The following RANBP2 variants were observed in gnomAD, a reference collection of about 807,000 sequenced individuals.
RANBP2 encodes RAN binding protein 2.
A neutral mutation model predicts 303.6 loss-of-function variants in RANBP2; 57 were observed. The ratio of observed to expected loss-of-function variants is 0.19; its 90% confidence interval spans 0.15 to 0.23. The LOEUF is 0.23. RANBP2 is among the 10% of genes least tolerant of loss of function. RANBP2 has a pLI of 1.00. For missense variants in RANBP2, 3,138 were observed against 3,780.8 expected (o/e 0.83, Z 4.46); for synonymous variants, 1,167 against 1,301.5 (o/e 0.90, Z 2.23).
At chr2:109,499,762 T>C in the RANBP2 span, among the ~76,000 whole-genome samples, 7 of 151,648 alleles carry the variant, frequency 4.6e-5, no homozygotes, top group Admixed American at 4.6e-4. Context: ...AGCAGGGGGG[T>C]GTGTGTGTAT....
the RANBP2 span, among the ~76,000 whole-genome samples, chr2:109,689,450 A>G: frequency 6.6e-6 from 1 of 152,086 alleles, no homozygotes; most frequent in South Asian, 2.1e-4. Context: ...GACAAATAAC[A>G]GGGTTGAATG....
the RANBP2 span, among the ~76,000 whole-genome samples, chr2:109,075,365 C>T: frequency 2.0e-5 from 3 of 150,176 alleles, no homozygotes; most frequent in East Asian, 1.9e-4. Context: ...GCTAGGATTA[C>T]AGGCACCTGC....
chr2:109,012,579 T>C, the RANBP2 span, among the ~76,000 whole-genome samples: 2 of 151,696 alleles, frequency 1.3e-5, no homozygotes, highest in African/African-American at 4.8e-5. Context: ...TAGCCCCTCC[T>C]CCACCCTGCT....
chr2:109,309,584 A>T, the RANBP2 span, among the ~76,000 whole-genome samples: 2 of 129,512 alleles, frequency 1.5e-5, no homozygotes, highest in South Asian at 2.4e-4. Flanking sequence ...AAGACCCATC[A>T]GTGTGCTGTA....
chr2:109,648,319 C>T, the RANBP2 span, among the ~76,000 whole-genome samples: 4 of 152,116 alleles, frequency 2.6e-5, no homozygotes, highest in African/African-American at 9.7e-5. Context: ...AGTGGGAGTC[C>T]CTGGAAGATT....
chr2:109,188,658 G>T, the RANBP2 span, among the ~76,000 whole-genome samples: 10 of 152,204 alleles, frequency 6.6e-5, no homozygotes, highest in Admixed American at 6.5e-5. Context: ...CCGAGGGCTG[G>T]AATGCAAAGC....
At chr2:108,838,143 C>T in the RANBP2 span, among the ~76,000 whole-genome samples, 1 of 151,948 alleles carries the variant, frequency 6.6e-6, no homozygotes, top group Admixed American at 6.6e-5. Context: ...AATATTGCCT[C>T]CTGGGATACA....
At chr2:109,706,526 C>G in the RANBP2 span, among the ~76,000 whole-genome samples, 2 of 152,204 alleles carry the variant, frequency 1.3e-5, no homozygotes, top group Admixed American at 6.5e-5. Flanking sequence ...CTGCCCTCCC[C>G]AAGGCCTCCA....
chr2:109,717,287 A>C, the RANBP2 span, among the ~76,000 whole-genome samples: 2 of 151,310 alleles, frequency 1.3e-5, no homozygotes, highest in East Asian at 1.9e-4. Context: ...AAAAAAAAAA[A>C]AAAACCCAGT....
the RANBP2 span, among the ~76,000 whole-genome samples, chr2:109,057,766 C>T: frequency 6.6e-6 from 1 of 152,216 alleles, no homozygotes; most frequent in Non-Finnish European, 1.5e-5. Flanking sequence ...CTTCCTTCGC[C>T]CCGCCCCGGG....
chr2:108,848,147 A>T, the RANBP2 span, among the ~76,000 whole-genome samples: 1 of 152,248 alleles, frequency 6.6e-6, no homozygotes, highest in East Asian at 1.9e-4. Flanking sequence ...AAGAAAAATT[A>T]TTAATCATTT....
the RANBP2 span, among the ~76,000 whole-genome samples, chr2:109,640,579 T>G: frequency 6.6e-6 from 1 of 152,204 alleles, no homozygotes; most frequent in African/African-American, 2.4e-5. Flanking sequence ...TGGACAGACT[T>G]AAGCCTGTGG....
the RANBP2 span, among the ~76,000 whole-genome samples, chr2:109,512,716 C>T: frequency 6.6e-6 from 1 of 152,150 alleles, no homozygotes; most frequent in Non-Finnish European, 1.5e-5. Context: ...GGAGAGCCCT[C>T]AGGTAGCATC....
At chr2:109,778,400 G>A in the RANBP2 span, among the ~76,000 whole-genome samples, 1 of 149,076 alleles carries the variant, frequency 6.7e-6, no homozygotes, top group East Asian at 2.0e-4. Context: ...CTTTATAAAT[G>A]TGTGGAATGT....
the RANBP2 span, among the ~76,000 whole-genome samples, chr2:109,384,769 C>G: frequency 6.6e-6 from 1 of 152,158 alleles, no homozygotes. Context: ...GTTTCGAGCT[C>G]TGGTCATAGG....
At chr2:109,703,971 G>GCTGCCAATCACTTCTCCCA in the RANBP2 span, among the ~76,000 whole-genome samples, 1 of 152,196 alleles carries the variant, frequency 6.6e-6, no homozygotes, top group African/African-American at 2.4e-5. Flanking sequence ...ATGGCCTGGA[G>GCTGCCAATCACTTCTCCCA]CTGCCAATCA....
the RANBP2 span, among the ~76,000 whole-genome samples, chr2:109,598,531 A>C: frequency 6.6e-6 from 1 of 152,160 alleles, no homozygotes; most frequent in African/African-American, 2.4e-5. Flanking sequence ...AACAAAAAGC[A>C]AAAAGTGGCC....
At chr2:108,745,485 C>T (rs1414219785) in intron 7 of RANBP2, among the ~76,000 whole-genome samples, 2 of 149,654 alleles carry the variant, frequency 1.3e-5, no homozygotes, top group Non-Finnish European at 3.0e-5. Context: ...AAATATTCTT[C>T]AAGCCTTCTA....
At chr2:109,047,873 G>A in the RANBP2 span, among the ~76,000 whole-genome samples, 7 of 152,214 alleles carry the variant, frequency 4.6e-5, no homozygotes, top group Non-Finnish European at 7.3e-5. Context: ...TAGTGAGGAC[G>A]TGGCAGGGCT....
Sources: gnomAD v4.1 joint callset for allele counts (sites outside exome capture counted in the v4.1 genomes callset) on GRCh38, gnomAD v4.1.1 for gene constraint, MANE v1.5 for transcripts, NCBI Gene and HGNC (gene_info 2026-07-23, HGNC 2026-07-21) for gene names.